The following EIF2D variants were observed in gnomAD, a reference collection of about 807,000 sequenced individuals.
EIF2D encodes eukaryotic translation initiation factor 2D.
Under a neutral mutation model 77.4 loss-of-function variants are expected in EIF2D, and 56 were observed. The observed-to-expected ratio is 0.72, with a 90% CI of 0.58 to 0.90. The LOEUF (loss-of-function observed/expected upper bound fraction) is 0.90, where lower values mean the gene tolerates loss of function less well. EIF2D is among the 40% of genes least tolerant of loss of function. EIF2D has a pLI of 0.00. For missense variants in EIF2D, 574 were observed against 706.5 expected (o/e 0.81, Z 2.13); for synonymous variants, 230 against 271.0 (o/e 0.85, Z 1.49).
At chr1:206,600,231 T>C in intron 8 of EIF2D, 32 bp downstream of exon 8, 4 of 1,610,146 alleles carry the variant, frequency 2.5e-6, no homozygotes, top group Non-Finnish European at 3.4e-6. Flanking sequence ...CACAACTCTC[T>C]GCATGGGTCT....
intron 11 of EIF2D, among the ~76,000 whole-genome samples, chr1:206,598,580 T>C (rs1374168011): frequency 2.0e-5 from 3 of 152,178 alleles, no homozygotes; most frequent in Non-Finnish European, 4.4e-5. Context: ...CTCAAGGTGA[T>C]GATACCCCAA....
At chr1:206,601,877 G>C (rs868918156) in intron 7 of EIF2D, 2 of 161,346 alleles carry the variant, frequency 1.2e-5, no homozygotes, top group Admixed American at 1.2e-4. Context: ...GGGCCGGGAC[G>C]GGGGGTGTTC....
At chr1:206,612,031 A>T (rs1209798567) in intron 1 of EIF2D, among the ~76,000 whole-genome samples, 1 of 152,222 alleles carries the variant, frequency 6.6e-6, no homozygotes, top group Non-Finnish European at 1.5e-5. Flanking sequence ...CACCTTAAAT[A>T]GTCTGCAGTC....
intron 5 of EIF2D, among the ~76,000 whole-genome samples, chr1:206,603,866 G>A (rs189114975): frequency 6.6e-6 from 1 of 152,200 alleles, no homozygotes; most frequent in Non-Finnish European, 1.5e-5. Context: ...TTAACTAATA[G>A]TTACGGCAAG....
intron 11 of EIF2D, among the ~76,000 whole-genome samples, chr1:206,598,273 A>G (rs1412699691): frequency 1.3e-5 from 2 of 152,136 alleles, no homozygotes; most frequent in East Asian, 3.9e-4. Flanking sequence ...CCTGGCCTCA[A>G]GCAATCCTCC....
intron 2 of EIF2D, chr1:206,585,356 G>A (rs782472289): frequency 8.0e-7 from 1 of 1,250,108 alleles, no homozygotes; most frequent in Middle Eastern, 1.9e-4. Flanking sequence ...GTGCAGGTGG[G>A]TGTTGTCCTA....
chr1:206,583,059 C>A, intron 2 of EIF2D: 1 of 506,174 alleles, frequency 2.0e-6, no homozygotes, highest in East Asian at 3.6e-5. Flanking sequence ...TTAGAGAAAT[C>A]TGAGTTACTT....
intron 11 of EIF2D, among the ~76,000 whole-genome samples, chr1:206,598,130 T>C (rs1401799807): frequency 6.6e-6 from 1 of 151,992 alleles, no homozygotes; most frequent in Non-Finnish European, 1.5e-5. Context: ...CTCAACCTCT[T>C]GGGCTCAAGC....
At chr1:206,571,332 T>G (rs1184763206) in exon 6 of EIF2D, 2 of 151,902 alleles carry the variant, frequency 1.3e-5, no homozygotes, top group Non-Finnish European at 2.9e-5. Context: ...TATCAATCCC[T>G]TATGGCATAT....
At chr1:206,569,292 A>G (rs1272118054), downstream of EIF2D, among the ~76,000 whole-genome samples, 1 of 152,204 alleles carries the variant, frequency 6.6e-6, no homozygotes, top group African/African-American at 2.4e-5. Context: ...CATGGCCCCA[A>G]ATAGGTTATG....
In EIF2D at chr1:206,612,289, G is replaced by A. The variant is rs201156687; in HGVS notation, c.54C>T (p.Asp18=). The change falls in exon 1 of 15, where the codon GAC becomes GAT. Residue 18 remains aspartate (D), a splice_region_variant and synonymous_variant. Transcript: ENST00000271764. ...AGCAGGCCCCTTTCCTCCCTCACCT[G>A]TCCGACCCCTTGATGGCCGTGTTGG... is the stretch of plus-strand genomic sequence containing the variant. ...VKSNTAIKGS[D]RRKLRADVTT... is the part of the protein sequence containing the mutation. 4 of 1,614,238 alleles carry A rather than the reference G, an allele frequency of 2.5e-6. No individual in the cohort carries two copies. Among genetic ancestry groups the A allele is most frequent in the Non-Finnish European group, 1.7e-6 (2 of 1,180,030 alleles).
chr1:206,608,600 G>C (rs533538963), intron 3 of EIF2D, among the ~76,000 whole-genome samples: 1 of 152,188 alleles, frequency 6.6e-6, no homozygotes, highest in Admixed American at 6.5e-5. Flanking sequence ...TGTCCTGGCC[G>C]GGCGCAGTGC....
intron 6 of EIF2D, 152 bp from the exon 7 acceptor site, chr1:206,602,605 T>A: frequency 2.8e-6 from 2 of 707,610 alleles, no homozygotes; most frequent in Admixed American, 5.2e-5. Context: ...TCTTGAGCAC[T>A]GAGCCTTTAA....
chr1:206,594,067 G>C, intron 13 of EIF2D: 1 of 257,260 alleles, frequency 3.9e-6, no homozygotes, highest in Non-Finnish European at 7.4e-6. Context: ...TTTATTTGGA[G>C]AATTCAAAAC....
At chr1:206,583,270 A>G in intron 2 of EIF2D, 1 of 1,605,168 alleles carries the variant, frequency 6.2e-7, no homozygotes, top group East Asian at 2.2e-5. Flanking sequence ...CTCTTCCAGA[A>G]TGTCTGTAAA....
chr1:206,588,527 G>C (rs1391649330), downstream of EIF2D: 1 of 152,334 alleles, frequency 6.6e-6, no homozygotes, highest in Non-Finnish European at 1.5e-5. Flanking sequence ...CCATTTCTTT[G>C]CTATCCTCTG....
At chr1:206,611,506 T>C in intron 1 of EIF2D, 132 bp from the exon 2 acceptor site, 1 of 655,442 alleles carries the variant, frequency 1.5e-6, no homozygotes, top group South Asian at 2.1e-5. Context: ...GATGTCCTAG[T>C]CTCACACACA....
At chr1:206,570,931 C>T (rs1668430968), downstream of EIF2D, among the ~76,000 whole-genome samples, 1 of 152,090 alleles carries the variant, frequency 6.6e-6, no homozygotes, top group Non-Finnish European at 1.5e-5. Flanking sequence ...TCCTTGCTCT[C>T]ACATCTTCTG....
chr1:206,585,167 T>C, intron 2 of EIF2D: 1 of 1,603,736 alleles, frequency 6.2e-7, no homozygotes, highest in African/African-American at 1.3e-5. Flanking sequence ...CAGCACCCTC[T>C]CTTGGTTTGC....
Sources: gnomAD v4.1 joint callset for allele counts (sites outside exome capture counted in the v4.1 genomes callset) on GRCh38, gnomAD v4.1.1 for gene constraint, MANE v1.5 for transcripts, NCBI Gene and HGNC (gene_info 2026-07-23, HGNC 2026-07-21) for gene names.